Variants in SETD2 observed in about 807,000 individuals in gnomAD.
SETD2 encodes the protein histone-lysine N-methyltransferase SETD2.
A neutral mutation model predicts 242.1 loss-of-function variants in SETD2; 31 were observed. That is an observed-to-expected ratio of 0.13 (90% CI 0.10 to 0.17). SETD2 has a LOEUF of 0.17. SETD2 is among the 10% of genes least tolerant of loss of function. The probability of loss-of-function intolerance (pLI) is 1.00; values close to 1 mark genes in which losing one functional copy is unlikely to be tolerated. For synonymous variants in SETD2, 1,006 were observed against 1,066.5 expected, an observed-to-expected ratio of 0.94 and a Z score of 1.11; for missense variants, 2,481 against 3,046.3, an observed-to-expected ratio of 0.81 and a Z score of 4.37.
chr3:47,135,564 G>C (rs2043572706), intron 1 of SETD2, among the ~76,000 whole-genome samples: 1 of 152,226 alleles, frequency 6.6e-6, no homozygotes, highest in Admixed American at 6.5e-5. Flanking sequence ...GCATGAGCCA[G>C]TACAGGCACG....
intron 4 of SETD2, 118 bp downstream of exon 4, chr3:47,116,505 T>G: frequency 1.1e-6 from 1 of 921,860 alleles, no homozygotes; most frequent in Admixed American, 2.4e-5. Context: ...TATACTTTTT[T>G]GCTTGTAGTC....
intron 5 of SETD2, among the ~76,000 whole-genome samples, chr3:47,112,809 C>T (rs111634088): frequency 1.1e-3 from 168 of 151,804 alleles, no homozygotes; most frequent in African/African-American, 3.7e-3. Context: ...AGGCTGGTCT[C>T]GAACTCCCGA....
intron 16 of SETD2, among the ~76,000 whole-genome samples, chr3:47,044,274 C>T (rs765520625): frequency 6.0e-5 from 8 of 133,484 alleles, no homozygotes; most frequent in Non-Finnish European, 1.2e-4. Context: ...ACCTGGGAGG[C>T]GGAGGTTGCA....
chr3:47,147,412 T>A (rs1420918353), intron 1 of SETD2, among the ~76,000 whole-genome samples: 1 of 148,952 alleles, frequency 6.7e-6, no homozygotes, highest in Non-Finnish European at 1.5e-5. Context: ...AACCTCTGCC[T>A]CCTCGGTTCG....
Position 47,057,185 on chromosome 3 carries a change from G to A in SETD2, c.6599C>T (p.Pro2200Leu), listed in dbSNP as rs1443135936. The A allele has an allele frequency of 1.2e-6, 2 of 1,614,190 alleles. No individual in the cohort carries two copies. Among genetic ancestry groups the A allele is most frequent in the Non-Finnish European group, 1.7e-6 (2 of 1,179,986 alleles). ...PTPSMDPVCS[P>L]APYDHAQPLV... ...GGGCTGAGCATGATCATAAGGAGCA[G>A]GAGAACACACTGGGTCCATGCTGGG... Residue 2200 changes from proline (P) to leucine (L), a missense_variant, in exon 15 of 21, where the codon CCT becomes CTT. Physicochemically the swap from Pro to Leu is moderately conservative, Grantham distance 98. Around this residue, in one of 17 missense-constraint regions of SETD2, gnomAD observed 235 missense variants for 293.9 expected, o/e 0.80. Transcript: ENST00000409792.
At chr3:47,111,963 AAAG>A (rs2042668808) in intron 5 of SETD2, among the ~76,000 whole-genome samples, 1 of 152,198 alleles carries the variant, frequency 6.6e-6, no homozygotes, top group African/African-American at 2.4e-5. Context: ...GAGGGTTCTG[AAAG>A]AATAGTTATG....
In SETD2 at chr3:47,057,015, A is replaced by C. The variant is rs767871315; in HGVS notation, c.6769T>G (p.Leu2257Val). 4 of 1,614,160 alleles carry C rather than the reference A, an allele frequency of 2.5e-6. No homozygotes were observed. Among genetic ancestry groups the C allele is most frequent in the Admixed American group, 1.7e-5 (1 of 60,016 alleles). Reference sequence around the variant, plus strand: ...ACTGGGCCGGGGGCCGGCACTGGCAAGACAGCAACGCTGGAGTCTTGGTGT... The same window carrying C: ...ACTGGGCCGGGGGCCGGCACTGGCACGACAGCAACGCTGGAGTCTTGGTGT... Reference protein sequence around the residue: ...VVHQDSSVAVLPVPAPGPVQG... With the variant: ...VVHQDSSVAVVPVPAPGPVQG... Residue 2257 changes from leucine (L) to valine (V), a missense_variant, in exon 15 of 21, where the codon TTG (leucine) becomes GTG (valine). By Grantham distance (32) the Leu-to-Val change is conservative. Around this residue, in one of 17 missense-constraint regions of SETD2, gnomAD observed 235 missense variants for 293.9 expected, o/e 0.80. Coordinates refer to ENST00000409792, the MANE Select transcript of SETD2 (RefSeq NM_014159.7).
chr3:47,057,081 C>G lies in SETD2; in HGVS notation c.6703G>C (p.Val2235Leu), dbSNP rs780019200. Residue 2235 changes from valine to leucine, a missense_variant, in exon 15 of 21, where the codon GTT becomes CTT. Coordinates refer to ENST00000409792, the MANE Select transcript of SETD2 (RefSeq NM_014159.7). ...VVPHVAAPVEVSSSQYVAQSD... is the reference protein window; with the variant it reads ...VVPHVAAPVELSSSQYVAQSD... The stretch of plus-strand genomic sequence containing the variant: ...TGGGCCACATACTGGGAACTGGAAA[C>G]TTCCACAGGAGCTGCCACATGTGGC... 180 of 1,614,102 alleles carry G rather than the reference C, an allele frequency of 1.1e-4. 1 individual carries two copies. Among genetic ancestry groups the G allele is most frequent in the Non-Finnish European group, 1.3e-4 (157 of 1,180,022 alleles).
chr3:47,018,340 CCAAA>C (rs2038070449), intron 19 of SETD2, among the ~76,000 whole-genome samples: 1 of 152,078 alleles, frequency 6.6e-6, no homozygotes, highest in African/African-American at 2.4e-5. Flanking sequence ...CCAGGTGCTC[CCAAA>C]CACTCTAGGA....
intron 1 of SETD2, among the ~76,000 whole-genome samples, chr3:47,138,960 T>C (rs2043659209): frequency 6.6e-6 from 1 of 152,210 alleles, no homozygotes; most frequent in Non-Finnish European, 1.5e-5. Flanking sequence ...TTCTTTCTTT[T>C]CTTTTTTTTG....
At chr3:47,157,505 T>G (rs955781190) in intron 1 of SETD2, 1 of 455,982 alleles carries the variant, frequency 2.2e-6, no homozygotes, top group Non-Finnish European at 4.4e-6. Context: ...TTGACCAAAT[T>G]TGCCATACTT....
At chr3:47,019,616 CT>C (rs778267008) in intron 19 of SETD2, 143 bp downstream of exon 19, 84 of 669,036 alleles carry the variant, frequency 1.3e-4, no homozygotes, top group Non-Finnish European at 2.0e-4. Flanking sequence ...AAAAGAAGCA[CT>C]TCAGCAAGAC....
At chr3:47,043,535 C>T (rs566775947) in intron 16 of SETD2, among the ~76,000 whole-genome samples, 1 of 152,214 alleles carries the variant, frequency 6.6e-6, no homozygotes, top group African/African-American at 2.4e-5. Context: ...TTTGTTACCG[C>T]AGCCCTAGCA....
intron 1 of SETD2, among the ~76,000 whole-genome samples, chr3:47,148,132 T>C (rs893630157): frequency 5.9e-5 from 9 of 151,498 alleles, no homozygotes; most frequent in African/African-American, 2.2e-4. Context: ...GTTGTTGTTG[T>C]TGTTGTTGTT....
Position 47,148,110 on chromosome 3 carries a change from TTTGTTGTTG to T in SETD2, c.71+15735_71+15743del, listed in dbSNP as rs144690368. 1.9e-3 allele frequency among the ~76,000 whole-genome samples: 287 copies of T among 148,956 alleles called. 3 individuals carry two copies. Among genetic ancestry groups the T allele is most frequent in the South Asian group, 4.1e-3 (19 of 4,648 alleles). ...CTGAAACTTGTTTTTTTGGTTGTGT[TTTGTTGTTG>T]TTGTTGTTGTTGTTGTTGTTGTTGT... On this transcript the variant is annotated intron_variant, in intron 1 of 20. Coordinates refer to ENST00000409792, the MANE Select transcript of SETD2 (RefSeq NM_014159.7).
At chr3:47,049,466 G>A (rs1202207916) in intron 15 of SETD2, among the ~76,000 whole-genome samples, 9 of 141,742 alleles carry the variant, frequency 6.3e-5, no homozygotes, top group Admixed American at 2.9e-4. Context: ...TCCGCCTCCC[G>A]GGTTCACGCC....
At chr3:47,050,312 C>T (rs989948407) in intron 15 of SETD2, among the ~76,000 whole-genome samples, 1 of 152,084 alleles carries the variant, frequency 6.6e-6, no homozygotes, top group Non-Finnish European at 1.5e-5. Flanking sequence ...TAAACACACA[C>T]ACTAGCCTAG....
At chr3:47,085,807 T>C (rs1259677273) in intron 11 of SETD2, among the ~76,000 whole-genome samples, 1 of 152,222 alleles carries the variant, frequency 6.6e-6, no homozygotes, top group Non-Finnish European at 1.5e-5. Context: ...CATACTCTTG[T>C]TATGCAGAAT....
At chr3:47,070,620 GAAT>G (rs1266317857) in intron 12 of SETD2, among the ~76,000 whole-genome samples, 1 of 152,074 alleles carries the variant, frequency 6.6e-6, no homozygotes, top group African/African-American at 2.4e-5. Context: ...AGTCTGTCTG[GAAT>G]AATGTCACAT....
Sources: allele counts gnomAD v4.1 joint callset (sites outside exome capture counted in the v4.1 genomes callset), GRCh38; gene constraint gnomAD v4.1.1; regional missense constraint gnomAD v4.1.1; transcripts MANE v1.5; gene names NCBI Gene and HGNC (gene_info 2026-07-23, HGNC 2026-07-21).